Variants in JAK3 observed in about 807,000 individuals in gnomAD.
JAK3 encodes Janus kinase 3, also known as tyrosine-protein kinase JAK3.
In JAK3, 88 loss-of-function variants were observed where a neutral mutation model predicts 120.8. The ratio of observed to expected loss-of-function variants is 0.73; its 90% CI spans 0.61 to 0.87. JAK3 has a LOEUF of 0.87. Among genes scored for constraint, JAK3 ranks in the 40% least tolerant of loss-of-function variants. The probability of loss-of-function intolerance (pLI) is 0.00; values close to 1 mark genes in which losing one functional copy is unlikely to be tolerated. For missense variants in JAK3, 1,254 were observed against 1,501.4 expected, an observed-to-expected ratio of 0.84 and a Z score of 2.72; for synonymous variants, 592 against 628.6, an observed-to-expected ratio of 0.94 and a Z score of 0.87.
At chr19:17,826,943 C>T (rs1444282806) in intron 23 of JAK3, 33 bp from the exon 24 acceptor site, 1 of 1,597,066 alleles carries the variant, frequency 6.3e-7, no homozygotes, top group African/African-American at 1.3e-5. Flanking sequence ...TGGGGTCGTG[C>T]CTGAGCAGTC....
intron 17 of JAK3, among the ~76,000 whole-genome samples, chr19:17,834,341 C>T (rs2094219879): frequency 6.6e-6 from 1 of 152,116 alleles, no homozygotes; most frequent in African/African-American, 2.4e-5. Flanking sequence ...GGCAACAGAG[C>T]AAGACTCTGT....
chr19:17,831,724 C>G lies in JAK3; in HGVS notation c.2755G>C (p.Ala919Pro), dbSNP rs750358689. 23 of 1,611,926 alleles carry G rather than the reference C, an allele frequency of 1.4e-5. No individual in the cohort carries two copies. In the South Asian group the frequency reaches 2.1e-4, roughly 15 times the overall value. Residue 919 changes from alanine (A) to proline (P), a missense_variant, in exon 20 of 24, where the codon GCG becomes CCG. This residue lies in a region of JAK3 where 630 missense variants were observed against 819.8 expected (regional missense o/e 0.77). Coordinates refer to ENST00000458235, the MANE Select transcript of JAK3 (RefSeq NM_000215.4). The surrounding 1 kb of genome is among the most constrained non-coding windows in gnomAD (Gnocchi z 5.1). Reference sequence around the variant, plus strand: ...AGGAGGCGGCTGGCATCGAGGCGCGCGCGGTGCCGCTGCAGGAAGTCGCGC... The same window carrying G: ...AGGAGGCGGCTGGCATCGAGGCGCGGGCGGTGCCGCTGCAGGAAGTCGCGC... ...CLRDFLQRHRARLDASRLLLY... is the reference protein window; with the variant it reads ...CLRDFLQRHRPRLDASRLLLY...
chr19:17,841,011 T>A lies in JAK3; in HGVS notation c.1142+378A>T, dbSNP rs957730435. Among the ~76,000 whole-genome samples the A allele has an allele frequency of 1.3e-5, 2 of 151,414 alleles. No individual in the cohort carries two copies. The highest frequency in any genetic ancestry group is 1.5e-5 in the Non-Finnish European group (1 of 67,852). On this transcript the variant is annotated intron_variant, in intron 8 of 23. Coordinates refer to ENST00000458235, the MANE Select transcript of JAK3 (RefSeq NM_000215.4). This position sits in a 1 kb window ranked among gnomAD's most constrained non-coding sequence, Gnocchi z 4.1. ...TTTTTCTTTTTTTGTAGAGATGGGG[T>A]CTCTCCTGTTGCCTAGACTTGTCTC...
intron 13 of JAK3, chr19:17,836,862 A>G: frequency 1.8e-6 from 1 of 561,580 alleles, no homozygotes; most frequent in Admixed American, 2.5e-5. Context: ...CAGAAAGGTT[A>G]CGTGACCTGT....
At chr19:17,829,903 C>G in intron 23 of JAK3, 1 of 633,694 alleles carries the variant, frequency 1.6e-6, no homozygotes, top group East Asian at 2.7e-5. Context: ...TTACTATTCT[C>G]ATTTTGGAAA....
rs575682641 is a variant in JAK3, at chr19:17,833,758, C to T, written c.2350+813G>A. 6.6e-5 allele frequency among the ~76,000 whole-genome samples: 10 copies of T among 152,052 alleles called. No individual in the cohort carries two copies. The East Asian group carries it at 7.7e-4, about 12-fold the overall frequency. ...ATCCTAGCTACTTGGGAGTCTGAGG[C>T]GGGAGAATTGCTTGAACCAGGGAGG... On this transcript the variant is annotated intron_variant, in intron 17 of 23. Transcript: ENST00000458235.
intron 13 of JAK3, 27 bp downstream of exon 13, chr19:17,837,102 T>C (rs766531125): frequency 3.6e-6 from 2 of 559,238 alleles, no homozygotes; most frequent in Admixed American, 2.2e-4. Flanking sequence ...GAGGCAGGGG[T>C]GGGGTGGGTG....
At position 17,830,168 on chromosome 19, in the gene JAK3, G is replaced by A. The variant is rs1216512448; in HGVS notation, c.3147C>T (p.Arg1049=). The change falls in exon 23 of 24, where the codon CGC becomes CGT. Residue 1049 remains arginine (R), a synonymous_variant. Transcript: ENST00000458235. The part of the protein sequence containing the change: ...GCERDVPALC[R]LLELLEEGQR... ...GGCCCTCCTCCAGCAGTTCCAAGAGGCGGCAGAGGGCGGGGACATCCCGCT... is the reference window on the plus strand; with the variant it reads ...GGCCCTCCTCCAGCAGTTCCAAGAGACGGCAGAGGGCGGGGACATCCCGCT... 6.3e-7 allele frequency: 1 copy of A among 1,595,784 alleles called. No individual in the cohort carries two copies. Among genetic ancestry groups the A allele is most frequent in the Non-Finnish European group, 8.5e-7 (1 of 1,172,344 alleles).
chr19:17,842,736 C>T lies in JAK3; in HGVS notation c.567-126G>A. On this transcript the variant is annotated intron_variant, in intron 5 of 23. Coordinates refer to ENST00000458235, the MANE Select transcript of JAK3 (RefSeq NM_000215.4). This position sits in a 1 kb window ranked among gnomAD's most constrained non-coding sequence, Gnocchi z 6.4. ...CCCTAGTTGGGGCACCAGGCACACA[C>T]AGACTCTCATTCAGGGTCAGGTATG... The T allele has an allele frequency of 9.6e-7, 1 of 1,042,638 alleles. No homozygotes were observed. Among genetic ancestry groups the T allele is most frequent in the Non-Finnish European group, 1.4e-6 (1 of 733,336 alleles). 64.6% of individuals were successfully genotyped at this position (1,042,638 alleles called of 1,614,324 possible). A position where few individuals can be genotyped will look rare whatever the true frequency, so the allele number is the denominator to read the frequency against.
chr19:17,827,462 C>T lies in JAK3; in HGVS notation c.3208-552G>A, dbSNP rs551376288. 6.3e-4 allele frequency among the ~76,000 whole-genome samples: 95 copies of T among 151,952 alleles called. No individual in the cohort carries two copies. In the South Asian group the frequency reaches 0.016, roughly 26 times the overall value. On this transcript the variant is annotated intron_variant, in intron 23 of 23. Coordinates refer to ENST00000458235, the MANE Select transcript of JAK3 (RefSeq NM_000215.4). ...TCCTGGGTTCAAGCGATTCTCCTGC[C>T]TCAGCCTCCCAAGTAGCTGGGATTA...
intron 12 of JAK3, 68 bp from the exon 13 acceptor site, chr19:17,837,281 C>G: frequency 7.8e-7 from 1 of 1,282,320 alleles, no homozygotes; most frequent in East Asian, 2.5e-5. Flanking sequence ...AAATTTTGTG[C>G]TCACAGACCT....
Position 17,831,842 on chromosome 19 carries a change from G to T in JAK3, c.2681-44C>A. The stretch of plus-strand genomic sequence containing the variant: ...GTCACAGCAGGGCCCAGCCCTGCTC[G>T]TCCCCCCATTCTTCCCCCCTTTCAC... On this transcript the variant is annotated intron_variant, in intron 19 of 23. Coordinates refer to ENST00000458235, the MANE Select transcript of JAK3 (RefSeq NM_000215.4). The surrounding 1 kb of genome is among the most constrained non-coding windows in gnomAD (Gnocchi z 5.1). The T allele has an allele frequency of 6.2e-7, 1 of 1,606,372 alleles. No individual in the cohort carries two copies.
In JAK3 at chr19:17,842,778, G is replaced by A; in HGVS notation, c.567-168C>T. The A allele has an allele frequency of 1.2e-6, 1 of 867,000 alleles. No individual in the cohort carries two copies. Among genetic ancestry groups the A allele is most frequent in the Non-Finnish European group, 1.8e-6 (1 of 571,134 alleles). 53.7% of individuals were successfully genotyped at this position (867,000 alleles called of 1,614,324 possible). ...TCAGGTATGAGGACCGGACCTCAGA[G>A]TAGGGGAGGGCCATTGGCGCCCACA... On this transcript the variant is annotated intron_variant, in intron 5 of 23. Transcript: ENST00000458235. This position sits in a 1 kb window ranked among gnomAD's most constrained non-coding sequence, Gnocchi z 6.4.
chr19:17,839,576 T>C lies in JAK3; in HGVS notation c.1342A>G (p.Ser448Gly), dbSNP rs1411196061. The change falls in exon 10 of 24, where the codon AGC (serine) becomes GGC (glycine). Residue 448 changes from serine (S) to glycine (G), a missense_variant. Ser to Gly is a moderately conservative substitution (Grantham distance 56). This residue lies in a region of JAK3 where 486 missense variants were observed against 503.0 expected (regional missense o/e 0.97). Transcript: ENST00000458235. ...FLLVGLSRPH[S>G]SLRELLATCW... is the part of the protein sequence containing the mutation. ...GTTGCCAGGAGCTCTCGAAGACTGC[T>C]GTGGGGTCGGCTGAGGCCAACCAGA... The C allele has an allele frequency of 1.9e-6, 3 of 1,611,178 alleles. No homozygotes were observed. The highest frequency in any genetic ancestry group is 2.5e-6 in the Non-Finnish European group (3 of 1,179,052).
Position 17,839,231 on chromosome 19 carries a change from G to C in JAK3, c.1441+246C>G, listed in dbSNP as rs553546646. On this transcript the variant is annotated intron_variant, in intron 10 of 23. Transcript: ENST00000458235. ...TTTGTCCAGGAGTGAAATTCACCCA[G>C]AGGAAGAGCTGAGAGCTGGAGAGAG... 2.0e-5 allele frequency: 13 copies of C among 642,460 alleles called. 1 individual carries two copies. Among genetic ancestry groups the C allele is most frequent in the South Asian group, 1.5e-4 (10 of 66,208 alleles). 39.8% of individuals were successfully genotyped at this position (642,460 alleles called of 1,614,324 possible).
In JAK3 at chr19:17,831,872, G is replaced by T; in HGVS notation, c.2681-74C>A. On this transcript the variant is annotated intron_variant, in intron 19 of 23. Transcript: ENST00000458235. This position sits in a 1 kb window ranked among gnomAD's most constrained non-coding sequence, Gnocchi z 5.1. ...CCCATTCTTCCCCCCTTTCACAGTG[G>T]GACCTTGTGTCCCTCTCGACCTCAG... 1 of 1,590,090 alleles carries T rather than the reference G, an allele frequency of 6.3e-7. No homozygotes were observed. The highest frequency in any genetic ancestry group is 8.6e-7 in the Non-Finnish European group (1 of 1,163,572).
In JAK3 at chr19:17,832,486, C is replaced by G. The variant is rs200252926; in HGVS notation, c.2680+33G>C. On this transcript the variant is annotated intron_variant, in intron 19 of 23. Coordinates refer to ENST00000458235, the MANE Select transcript of JAK3 (RefSeq NM_000215.4). The surrounding 1 kb of genome is among the most constrained non-coding windows in gnomAD (Gnocchi z 4.7). ...ATGTGCACTTTGAAAAGCACCCATA[C>G]GTCTTGGTTCACTCATCCGGGAGCT... 3.1e-6 allele frequency: 5 copies of G among 1,609,772 alleles called. No homozygotes were observed. The highest frequency in any genetic ancestry group is 1.7e-4 in the Middle Eastern group (1 of 6,056).
intron 15 of JAK3, 29 bp from the exon 16 acceptor site, chr19:17,835,032 C>T (rs1433734843): frequency 6.2e-7 from 1 of 1,614,194 alleles, no homozygotes; most frequent in Admixed American, 1.7e-5. Context: ...GATCAGGGAT[C>T]CACTTCCTTG....
intron 1 of JAK3, 38 bp downstream of exon 1, chr19:17,847,908 G>C (rs2094256161): frequency 1.2e-6 from 1 of 864,606 alleles, no homozygotes; most frequent in Non-Finnish European, 1.4e-6. Context: ...TCCTCCCCCA[G>C]TGTCTGGGCC....
Sources: gnomAD v4.1 joint callset for allele counts (sites outside exome capture counted in the v4.1 genomes callset) on GRCh38, gnomAD v4.1.1 for gene constraint, gnomAD v4.1.1 regional missense constraint, Gnocchi (gnomAD v3.1) non-coding constraint, MANE v1.5 for transcripts, NCBI Gene and HGNC (gene_info 2026-07-23, HGNC 2026-07-21) for gene names.